Variants in NCKAP1L observed in about 807,000 individuals in gnomAD.
NCKAP1L encodes the protein NCK associated protein 1 like.
NCKAP1L carries 53 observed loss-of-function variants against 139.2 expected under a neutral mutation model. The observed-to-expected ratio is 0.38, with a 90% CI of 0.31 to 0.48. The LOEUF is 0.48. Ranked by LOEUF, NCKAP1L falls within the 20% of genes least tolerant of loss-of-function variation. The pLI is 0.98. For synonymous variants in NCKAP1L, 468 were observed against 499.7 expected, an observed-to-expected ratio of 0.94 and a Z score of 0.85; for missense variants, 1,151 against 1,381.9, an observed-to-expected ratio of 0.83 and a Z score of 2.65.
At position 54,498,398 on chromosome 12, in the gene NCKAP1L, G is replaced by GTT. The variant is rs1956767717; in HGVS notation, c.102+508_102+509dup. ...TCCTGGGGTAGTTCATGCTGTGGTG[G>GTT]TTGTGTGTGTGTGTGTGTGTGTGTG... On this transcript the variant is annotated intron_variant, in intron 1 of 30. Transcript: ENST00000293373. 2.9e-5 allele frequency among the ~76,000 whole-genome samples: 3 copies of GTT among 102,990 alleles called. No homozygotes were observed. In the South Asian group the frequency reaches 7.7e-4, roughly 27 times the overall value. The allele number at this position is 102,990 out of a possible 152,430, so 67.6% of individuals were successfully genotyped here. A position where few individuals can be genotyped will look rare whatever the true frequency, so the allele number is the denominator to read the frequency against.
chr12:54,511,477 G>A (rs539188487), intron 7 of NCKAP1L, among the ~76,000 whole-genome samples: 6 of 152,192 alleles, frequency 3.9e-5, no homozygotes, highest in African/African-American at 4.8e-5. Context: ...TACAATCACA[G>A]CTCACTGCAG....
intron 7 of NCKAP1L, chr12:54,510,234 A>C: frequency 1.8e-6 from 1 of 548,618 alleles, no homozygotes; most frequent in Non-Finnish European, 3.2e-6. Context: ...GAAGGAATTT[A>C]GTAAATATTC....
chr12:54,520,727 C>T lies in NCKAP1L; in HGVS notation c.1659C>T (p.Ala553=), dbSNP rs1956975254. 1 of 1,614,104 alleles carries T rather than the reference C, an allele frequency of 6.2e-7. No homozygotes were observed. The highest frequency in any genetic ancestry group is 8.5e-7 in the Non-Finnish European group (1 of 1,180,008). ...FHLRIFEKMF[A]MTLEESAMLR... ...TTCGTATCTTTGAGAAGATGTTTGC[C>T]ATGACCTTGGAGGAATCTGCCATGT... The change falls in exon 17 of 31, where the codon GCC becomes GCT. Residue 553 remains alanine, a synonymous_variant. Coordinates refer to ENST00000293373, the MANE Select transcript of NCKAP1L (RefSeq NM_005337.5).
Position 54,509,866 on chromosome 12 carries a change from C to A in NCKAP1L, c.616C>A (p.Leu206Ile), listed in dbSNP as rs754379839. 1 of 1,614,216 alleles carries A rather than the reference C, an allele frequency of 6.2e-7. No individual in the cohort carries two copies. The highest frequency in any genetic ancestry group is 1.6e-4 in the Middle Eastern group (1 of 6,062). ...CCCACAGGCTGTGAGTGGAGCCCTC[C>A]TCTCTTTGCATTTCCTCTTTGTCCG... is the stretch of plus-strand genomic sequence containing the variant. Reference protein sequence around the residue: ...PHTKAVSGALLSLHFLFVRRN... With the variant: ...PHTKAVSGALISLHFLFVRRN... The change falls in exon 7 of 31, where the codon CTC (leucine) becomes ATC (isoleucine). Residue 206 changes from leucine (L) to isoleucine (I), a missense_variant. Physicochemically the swap from Leu to Ile is conservative, Grantham distance 5 (BLOSUM62 2). Coordinates refer to ENST00000293373, the MANE Select transcript of NCKAP1L (RefSeq NM_005337.5).
chr12:54,532,290 T>C, intron 26 of NCKAP1L, 40 bp downstream of exon 26: 1 of 1,540,368 alleles, frequency 6.5e-7, no homozygotes, highest in Non-Finnish European at 8.9e-7. Context: ...TAGGAGACTT[T>C]TGTTGTTGAA....
At position 54,509,780 on chromosome 12, in the gene NCKAP1L, G is replaced by T. The variant is rs1192955076; in HGVS notation, c.597+21G>T. On this transcript the variant is annotated intron_variant, in intron 6 of 30. Coordinates refer to ENST00000293373, the MANE Select transcript of NCKAP1L (RefSeq NM_005337.5). ...CAAAGGCAAGTTCCCTGACAATGGA[G>T]AATTCCTCAGGCAAAAGTATATTGT... 8 of 1,614,126 alleles carry T rather than the reference G, an allele frequency of 5.0e-6. No individual in the cohort carries two copies. In the South Asian group the frequency reaches 6.6e-5, roughly 13 times the overall value.
chr12:54,533,548 T>A (rs1957090109), intron 26 of NCKAP1L, among the ~76,000 whole-genome samples: 1 of 151,918 alleles, frequency 6.6e-6, no homozygotes, highest in South Asian at 2.1e-4. Context: ...CACAGCAAAG[T>A]GTGTGTATGT....
intron 3 of NCKAP1L, among the ~76,000 whole-genome samples, chr12:54,503,632 T>C (rs1349906164): frequency 6.6e-6 from 1 of 151,322 alleles, no homozygotes; most frequent in Non-Finnish European, 1.5e-5. Flanking sequence ...CACATATATA[T>C]TTTTTCTTTT....
At chr12:54,542,506 A>G in intron 30 of NCKAP1L, 69 bp from the exon 31 acceptor site, 1 of 1,208,656 alleles carries the variant, frequency 8.3e-7, no homozygotes, top group East Asian at 2.3e-5. Flanking sequence ...GGAACTATGC[A>G]AAAGGAACAG....
rs78020036 is a variant in NCKAP1L, at chr12:54,539,666, C to G, written c.3273+693C>G. Among the ~76,000 whole-genome samples, 76 of 152,304 alleles carry G rather than the reference C, an allele frequency of 5.0e-4. 1 individual carries two copies. In the East Asian group the frequency reaches 0.013, roughly 26 times the overall value. Reference sequence around the variant, plus strand: ...TGTTAGTAATGCACTTAGGTATGGACAGGAAGGGCTTTTGCCCTGGGCCCA... The same window carrying G: ...TGTTAGTAATGCACTTAGGTATGGAGAGGAAGGGCTTTTGCCCTGGGCCCA... On this transcript the variant is annotated intron_variant, in intron 30 of 30. Coordinates refer to ENST00000293373, the MANE Select transcript of NCKAP1L (RefSeq NM_005337.5).
intron 11 of NCKAP1L, 146 bp from the exon 12 acceptor site, chr12:54,517,387 G>GT (rs112229774): frequency 1.6e-6 from 1 of 639,880 alleles, no homozygotes; most frequent in Non-Finnish European, 2.8e-6. Flanking sequence ...TGTAGTTGAG[G>GT]TTTTTTGGTG....
intron 28 of NCKAP1L, chr12:54,536,582 C>T (rs1480443843): frequency 3.2e-6 from 1 of 315,434 alleles, no homozygotes; most frequent in Non-Finnish European, 6.0e-6. Context: ...GGCTTGAGCC[C>T]AAGGGGTCAA....
At chr12:54,536,316 A>T in intron 28 of NCKAP1L, 71 bp downstream of exon 28, 1 of 1,100,348 alleles carries the variant, frequency 9.1e-7, no homozygotes, top group Non-Finnish European at 1.4e-6. Context: ...GAGGAGACAG[A>T]GATACTGGAA....
chr12:54,542,882 G>A lies in NCKAP1L; in HGVS notation c.*197G>A, dbSNP rs1160370573. 7.8e-6 allele frequency: 4 copies of A among 511,116 alleles called. No individual in the cohort carries two copies. The highest frequency in any genetic ancestry group is 1.4e-5 in the Non-Finnish European group (4 of 286,266). 31.7% of individuals were successfully genotyped at this position (511,116 alleles called of 1,614,324 possible). A position where few individuals can be genotyped will look rare whatever the true frequency, so the allele number is the denominator to read the frequency against. On this transcript the variant is annotated 3_prime_UTR_variant, in exon 31 of 31. Transcript: ENST00000293373. ...ATCGTAGAGCAGTGAGGCAGGCTGG[G>A]AGCATGGAGGACAGCTTATGGAAAA...
Position 54,509,666 on chromosome 12 carries a change from T to C in NCKAP1L, c.507-3T>C. On this transcript the variant is annotated splice_polypyrimidine_tract_variant and splice_region_variant and intron_variant, in intron 5 of 30. Transcript: ENST00000293373. ...GTAACCCCTCTCCTCTGCTTTCTTC[T>C]AGTGACCCCAGTTTTGCCCGTCTGG... 1 of 1,611,166 alleles carries C rather than the reference T, an allele frequency of 6.2e-7. No homozygotes were observed. The highest frequency in any genetic ancestry group is 8.5e-7 in the Non-Finnish European group (1 of 1,177,296).
chr12:54,528,713 C>T lies in NCKAP1L; in HGVS notation c.2506+336C>T, dbSNP rs139671456. Among the ~76,000 whole-genome samples, 682 of 151,924 alleles carry T rather than the reference C, an allele frequency of 4.5e-3. 3 individuals carry two copies. Among genetic ancestry groups the T allele is most frequent in the African/African-American group, 0.013 (532 of 41,438 alleles). On this transcript the variant is annotated intron_variant, in intron 22 of 30. Coordinates refer to ENST00000293373, the MANE Select transcript of NCKAP1L (RefSeq NM_005337.5). ...CTATCTTGGCTCACCGCAACCTGCG[C>T]CTCCCGGGTTCAAGCAATTCTCCTG...
intron 27 of NCKAP1L, among the ~76,000 whole-genome samples, chr12:54,535,828 T>C (rs1272102056): frequency 6.6e-6 from 1 of 152,204 alleles, no homozygotes; most frequent in Non-Finnish European, 1.5e-5. Flanking sequence ...CTCTCCATCC[T>C]ATCAGGCAGT....
Position 54,542,771 on chromosome 12 carries a change from G to GTTAT in NCKAP1L, c.*86_*87insTTAT. On this transcript the variant is annotated 3_prime_UTR_variant, in exon 31 of 31. Transcript: ENST00000293373. ...AGCTGTGGTCACTTTCGCAGGGGGT[G>GTTAT]GGAATGGGGTGGGGTCACTAAGGAG... 1.3e-6 allele frequency: 1 copy of GTTAT among 789,586 alleles called. No homozygotes were observed. Among genetic ancestry groups the GTTAT allele is most frequent in the Non-Finnish European group, 2.2e-6 (1 of 463,542 alleles). 48.9% of individuals were successfully genotyped at this position (789,586 alleles called of 1,614,324 possible). A position where few individuals can be genotyped will look rare whatever the true frequency, so the allele number is the denominator to read the frequency against.
rs1236212060 is a variant in NCKAP1L at position 54,532,152 on chromosome 12, A to G, written c.2782-18A>G. ...TGGTCATGGTCTTGTGGACTCATTT[A>G]TCTTCTCTTTCCTCCAGGTTTTCTC... On this transcript the variant is annotated intron_variant, in intron 25 of 30. Transcript: ENST00000293373. The G allele has an allele frequency of 1.9e-6, 3 of 1,588,574 alleles. No homozygotes were observed. Among genetic ancestry groups the G allele is most frequent in the Non-Finnish European group, 2.6e-6 (3 of 1,164,208 alleles).
Sources: gnomAD v4.1 joint callset for allele counts (sites outside exome capture counted in the v4.1 genomes callset) on GRCh38, gnomAD v4.1.1 for gene constraint, MANE v1.5 for transcripts, NCBI Gene and HGNC (gene_info 2026-07-23, HGNC 2026-07-21) for gene names.